Variants in DBT observed in about 807,000 individuals in gnomAD.
DBT encodes the protein lipoamide acyltransferase component of branched-chain alpha-keto acid dehydrogenase complex, mitochondrial.
A neutral mutation model predicts 51.3 loss-of-function variants in DBT; 40 were observed. That is an observed-to-expected ratio of 0.78 (90% CI 0.61 to 1.02). The LOEUF (loss-of-function observed/expected upper bound fraction) is 1.02. Among genes scored for constraint, DBT ranks in the 50% least tolerant of loss-of-function variants. DBT has a pLI of 0.00. For synonymous variants in DBT, 181 were observed against 190.4 expected (o/e 0.95, Z 0.41); for missense variants, 510 against 580.2 (o/e 0.88, Z 1.24).
At chr1:100,207,559 T>C (rs937047995) in intron 8 of DBT, among the ~76,000 whole-genome samples, 93 of 151,948 alleles carry the variant, frequency 6.1e-4, no homozygotes, top group African/African-American at 2.2e-3. Context: ...TAGTGGCTCA[T>C]GCCTATAATC....
chr1:100,225,441 G>GC (rs1311715716), intron 4 of DBT, among the ~76,000 whole-genome samples: 2 of 151,516 alleles, frequency 1.3e-5, no homozygotes, highest in African/African-American at 4.9e-5. Context: ...AAAAACACAG[G>GC]CCCCCCACAA....
chr1:100,214,793 T>C (rs1330949478), intron 7 of DBT, 24 bp downstream of exon 7: 1 of 1,611,554 alleles, frequency 6.2e-7, no homozygotes, highest in African/African-American at 1.3e-5. Flanking sequence ...TACTCAAGCC[T>C]TGTTTGAAAT....
intron 8 of DBT, among the ~76,000 whole-genome samples, chr1:100,208,469 G>C (rs1418689107): frequency 2.0e-5 from 3 of 152,140 alleles, no homozygotes; most frequent in Non-Finnish European, 4.4e-5. Context: ...AGTATGTAGG[G>C]ATACACAGGG....
At chr1:100,233,022 C>A (rs995022119) in intron 3 of DBT, among the ~76,000 whole-genome samples, 3 of 151,836 alleles carry the variant, frequency 2.0e-5, no homozygotes, top group Non-Finnish European at 4.4e-5. Context: ...AGAATAGATT[C>A]TAAAAAAATG....
intron 4 of DBT, among the ~76,000 whole-genome samples, chr1:100,225,047 A>ATT (rs1280222355): frequency 1.2e-5 from 1 of 81,484 alleles, no homozygotes; most frequent in East Asian, 4.4e-4. Context: ...AAAAAAATAT[A>ATT]TATATACACA....
rs766042909 is a variant in DBT, at chr1:100,194,747, G to C, written c.*1508C>G. ...TCCTGCTTCAGCCTCCCCTATAACTGGGATTACAGTTACAAGTCATCACAC... is the reference window on the plus strand; with the variant it reads ...TCCTGCTTCAGCCTCCCCTATAACTCGGATTACAGTTACAAGTCATCACAC... On this transcript the variant is annotated 3_prime_UTR_variant, in exon 11 of 11. Transcript: ENST00000370132. The C allele has an allele frequency of 6.6e-6, 1 of 152,138 alleles. No homozygotes were observed. The highest frequency in any genetic ancestry group is 2.4e-5 in the African/African-American group (1 of 41,424). The allele number at this position is 152,138 out of a possible 1,614,324, so 9.4% of individuals were successfully genotyped here.
Position 100,193,777 on chromosome 1 carries a change from A to T in DBT, c.*2478T>A, listed in dbSNP as rs1660925638. ...GCCACCGTGCCTGGCTGATTTTTGTATTTTCAATAGAGATGAGGTTTCACC... is the reference window on the plus strand; with the variant it reads ...GCCACCGTGCCTGGCTGATTTTTGTTTTTTCAATAGAGATGAGGTTTCACC... On this transcript the variant is annotated 3_prime_UTR_variant, in exon 11 of 11. Transcript: ENST00000370132. 1 of 151,772 alleles carries T rather than the reference A, an allele frequency of 6.6e-6. No individual in the cohort carries two copies. Among genetic ancestry groups the T allele is most frequent in the Non-Finnish European group, 1.5e-5 (1 of 67,988 alleles). The allele number at this position is 151,772 out of a possible 1,614,324, so 9.4% of individuals were successfully genotyped here. A position where few individuals can be genotyped will look rare whatever the true frequency, so the allele number is the denominator to read the frequency against.
Position 100,192,237 on chromosome 1 carries a change from C to T in DBT, c.*4018G>A, listed in dbSNP as rs1467881704. ...ATAGCTCAACTCTAAAAGCACTGCT[C>T]TTCTCTAGGTTATTGGCACAGACCC... On this transcript the variant is annotated 3_prime_UTR_variant, in exon 11 of 11. Transcript: ENST00000370132. 2 of 152,160 alleles carry T rather than the reference C, an allele frequency of 1.3e-5. No individual in the cohort carries two copies. Among genetic ancestry groups the T allele is most frequent in the African/African-American group, 4.8e-5 (2 of 41,438 alleles). The allele number at this position is 152,160 out of a possible 1,614,324, so 9.4% of individuals were successfully genotyped here. A position where few individuals can be genotyped will look rare whatever the true frequency, so the allele number is the denominator to read the frequency against.
At chr1:100,240,942 C>CT (rs1225888135) in intron 1 of DBT, 58 bp from the exon 2 acceptor site, 4 of 1,518,968 alleles carry the variant, frequency 2.6e-6, no homozygotes, top group Admixed American at 3.4e-5. Context: ...CGGCTTATCT[C>CT]TAAGTATAAA....
intron 4 of DBT, among the ~76,000 whole-genome samples, chr1:100,226,435 C>T (rs1376588815): frequency 6.6e-6 from 1 of 151,972 alleles, no homozygotes; most frequent in Non-Finnish European, 1.5e-5. Context: ...AGGTGCACGC[C>T]ACCACACCTG....
intron 10 of DBT, among the ~76,000 whole-genome samples, chr1:100,200,521 A>C (rs1302644940): frequency 2.6e-5 from 4 of 152,228 alleles, no homozygotes; most frequent in African/African-American, 4.8e-5. Context: ...CTCTGAAAAG[A>C]GCAGTGGATC....
Position 100,190,710 on chromosome 1 carries a change from G to A in DBT, c.*5545C>T, listed in dbSNP as rs1021033227. The A allele has an allele frequency of 2.0e-5, 3 of 152,080 alleles. No homozygotes were observed. The highest frequency in any genetic ancestry group is 7.2e-5 in the African/African-American group (3 of 41,392). 9.4% of individuals were successfully genotyped at this position (152,080 alleles called of 1,614,324 possible). On this transcript the variant is annotated 3_prime_UTR_variant, in exon 11 of 11. Coordinates refer to ENST00000370132, the MANE Select transcript of DBT (RefSeq NM_001918.5). Reference sequence around the variant, plus strand: ...ATTTGCTGATGGAGAACCACTTCTCGGAAAGAGAAACAAAAAGAAAGTGTG... The same window carrying A: ...ATTTGCTGATGGAGAACCACTTCTCAGAAAGAGAAACAAAAAGAAAGTGTG...
At chr1:100,201,758 C>A (rs1252533431) in intron 10 of DBT, among the ~76,000 whole-genome samples, 1 of 152,172 alleles carries the variant, frequency 6.6e-6, no homozygotes, top group African/African-American at 2.4e-5. Flanking sequence ...ATTGAACACT[C>A]TTAAAGAAAA....
intron 1 of DBT, chr1:100,249,364 A>G (rs564681006): frequency 4.7e-4 from 154 of 328,290 alleles, no homozygotes; most frequent in Admixed American, 2.5e-3. Context: ...CTCTTCCTCT[A>G]CACACTGTAG....
chr1:100,206,159 T>A, intron 10 of DBT, 71 bp downstream of exon 10: 1 of 994,612 alleles, frequency 1.0e-6, no homozygotes, highest in Non-Finnish European at 1.6e-6. Flanking sequence ...ACCTTAGAAA[T>A]GGTTACTCTT....
chr1:100,238,432 TTCCCC>T (rs1664026338), intron 2 of DBT, among the ~76,000 whole-genome samples: 1 of 136,438 alleles, frequency 7.3e-6, no homozygotes, highest in Non-Finnish European at 1.6e-5. Context: ...TTTCTTTTAT[TTCCCC>T]TCCCCTCCCC....
At chr1:100,226,652 C>A (rs1484876123) in intron 4 of DBT, among the ~76,000 whole-genome samples, 1 of 152,110 alleles carries the variant, frequency 6.6e-6, no homozygotes, top group East Asian at 1.9e-4. Context: ...CAGATTATAG[C>A]CTCTTATTCA....
rs74103423 is a variant in DBT, at chr1:100,216,085, C to A, written c.670G>T (p.Glu224Ter). The A allele has an allele frequency of 3.7e-5, 60 of 1,613,696 alleles. No homozygotes were observed. In the African/African-American group the frequency reaches 7.9e-4, roughly 21 times the overall value. The change falls in exon 6 of 11, where the codon GAA becomes TAA. Residue 224 changes from glutamate to a stop codon, truncating the protein, a stop_gained. Transcript: ENST00000370132. LOFTEE classifies it high-confidence loss of function. ...GGCTTTGGTGGAGGTGGCATAATTTCAACTTTGGGTGAAGGAGGCAATATA... is the reference window on the plus strand; with the variant it reads ...GGCTTTGGTGGAGGTGGCATAATTTAAACTTTGGGTGAAGGAGGCAATATA... ...GAILPPSPKVEIMPPPPKPKD... is the reference protein window; with the variant it reads ...GAILPPSPKV
At chr1:100,213,284 C>T (rs1183723844) in intron 7 of DBT, 1 of 1,379,304 alleles carries the variant, frequency 7.3e-7, no homozygotes, top group Non-Finnish European at 9.3e-7. Context: ...AGAGCCGAGC[C>T]GGGCCGCCAT....
Sources: gnomAD v4.1 joint callset for allele counts (sites outside exome capture counted in the v4.1 genomes callset) on GRCh38, gnomAD v4.1.1 for gene constraint, MANE v1.5 for transcripts, NCBI Gene and HGNC (gene_info 2026-07-23, HGNC 2026-07-21) for gene names.